DNAH5: variants seen among roughly 807,000 people sequenced by gnomAD.
The protein encoded by DNAH5 is axonemal beta dynein heavy chain 5.
In DNAH5, 372 loss-of-function variants were observed where a neutral mutation model predicts 518.2. That is an observed-to-expected ratio of 0.72 (90% confidence interval 0.66 to 0.78). DNAH5 has a LOEUF of 0.78. Among genes scored for constraint, DNAH5 ranks in the 30% least tolerant of loss-of-function variants. The pLI is 0.00. For missense variants in DNAH5, 5,523 were observed against 5,687.0 expected (o/e 0.97, Z 0.93); for synonymous variants, 2,039 against 2,025.9 (o/e 1.01, Z -0.17).
At chr5:13,959,784 A>AT (rs1781031433) in intron 1 of DNAH5, among the ~76,000 whole-genome samples, 1 of 152,152 alleles carries the variant, frequency 6.6e-6, no homozygotes, top group African/African-American at 2.4e-5. Flanking sequence ...CCTGACCAAC[A>AT]TGGTGAAACC....
intron 65 of DNAH5, among the ~76,000 whole-genome samples, chr5:13,746,871 C>A (rs995426329): frequency 6.6e-6 from 1 of 151,698 alleles, no homozygotes; most frequent in Non-Finnish European, 1.5e-5. Context: ...AAACTATGTA[C>A]TATCCTTGTT....
At position 13,717,330 on chromosome 5, in the gene DNAH5, G is replaced by A. The variant is rs531483632; in HGVS notation, c.12690C>T (p.Asp4230=). 5.0e-5 allele frequency: 80 copies of A among 1,613,794 alleles called. 3 individuals carry two copies. In the South Asian group the frequency reaches 8.5e-4, roughly 17 times the overall value. The change falls in exon 73 of 79, where the codon GAC becomes GAT. Residue 4230 remains aspartate (D), a synonymous_variant. Coordinates refer to ENST00000265104, the MANE Select transcript of DNAH5 (RefSeq NM_001369.3). ...TVQFIQNHLD[D]MDVKKGVSWT... is the part of the protein sequence containing the mutation. ...GCGGCAGTACCTTTTTGACATCCAT[G>A]TCATCCAAGTGGTTTTGGATGAACT...
chr5:13,998,370 G>C (rs399566), intron 1 of DNAH5, among the ~76,000 whole-genome samples: 110,247 of 152,176 alleles, frequency 0.72, 40,298 homozygotes, highest in East Asian at 0.96. Flanking sequence ...AAGGCCCCAC[G>C]TCTTAATACT....
intron 25 of DNAH5, 136 bp downstream of exon 25, chr5:13,867,638 T>C (rs1580668123): frequency 2.5e-6 from 2 of 794,322 alleles, no homozygotes; most frequent in East Asian, 4.9e-5. Flanking sequence ...TTTTCTCTCA[T>C]GAAAATAAAA....
intron 51 of DNAH5, among the ~76,000 whole-genome samples, chr5:13,787,623 C>T (rs1340458206): frequency 1.4e-5 from 2 of 147,470 alleles, no homozygotes; most frequent in East Asian, 4.1e-4. Flanking sequence ...AGCAGTTGTG[C>T]TTTGGTCCTT....
intron 74 of DNAH5, among the ~76,000 whole-genome samples, 169 bp from the exon 75 acceptor site, chr5:13,714,789 T>A (rs1010304250): frequency 6.6e-6 from 1 of 152,156 alleles, no homozygotes; most frequent in Non-Finnish European, 1.5e-5. Flanking sequence ...AAATTTCCTT[T>A]AAAAAAACAA....
intron 1 of DNAH5, among the ~76,000 whole-genome samples, chr5:13,988,621 T>C (rs1440755140): frequency 1.3e-5 from 2 of 152,094 alleles, no homozygotes; most frequent in South Asian, 2.1e-4. Flanking sequence ...TTTCACCATA[T>C]TGGCCAGGCT....
At chr5:13,984,143 A>T (rs1458751224) in intron 1 of DNAH5, among the ~76,000 whole-genome samples, 1 of 152,176 alleles carries the variant, frequency 6.6e-6, no homozygotes, top group Non-Finnish European at 1.5e-5. Context: ...GGAGACATGC[A>T]ATGTTGCCAG....
chr5:13,951,382 A>AAT (rs35530314), intron 1 of DNAH5, among the ~76,000 whole-genome samples: 45,260 of 150,704 alleles, frequency 0.3, 7,468 homozygotes, highest in South Asian at 0.38. Flanking sequence ...AGATTCAGCT[A>AAT]ATTTCTTACT....
intron 12 of DNAH5, among the ~76,000 whole-genome samples, chr5:13,908,745 T>C (rs1347642133): frequency 6.6e-6 from 1 of 152,124 alleles, no homozygotes; most frequent in South Asian, 2.1e-4. Flanking sequence ...GACCTGTTAG[T>C]ACCAGCACGA....
intron 30 of DNAH5, among the ~76,000 whole-genome samples, chr5:13,857,557 C>T (rs959244402): frequency 1.3e-5 from 2 of 152,166 alleles, no homozygotes; most frequent in African/African-American, 4.8e-5. Context: ...ATAGCCAAGA[C>T]AATCCTAAGC....
intron 15 of DNAH5, among the ~76,000 whole-genome samples, chr5:13,896,962 A>T (rs1399012345): frequency 1.9e-5 from 2 of 106,518 alleles, no homozygotes; most frequent in African/African-American, 8.2e-5. Context: ...CTAGAGTACT[A>T]GGTCCAAAGA....
chr5:13,795,509 G>A (rs1757685685), intron 47 of DNAH5, among the ~76,000 whole-genome samples: 1 of 152,194 alleles, frequency 6.6e-6, no homozygotes, highest in Non-Finnish European at 1.5e-5. Context: ...GGAAGAAGCT[G>A]AATCTCTGAA....
intron 1 of DNAH5, among the ~76,000 whole-genome samples, chr5:13,958,407 G>GTGTTT (rs968668913): frequency 6.6e-6 from 1 of 152,032 alleles, no homozygotes; most frequent in African/African-American, 2.4e-5. Context: ...CTGGGTATTT[G>GTGTTT]TGTTTTGTTT....
Position 13,925,547 on chromosome 5 carries a change from G to A in DNAH5, c.278-2107C>T, listed in dbSNP as rs186772881. Among the ~76,000 whole-genome samples the A allele has an allele frequency of 8.4e-3, 1,272 of 152,266 alleles. 13 individuals are homozygous for A. Among genetic ancestry groups the A allele is most frequent in the African/African-American group, 0.029 (1,191 of 41,560 alleles). ...CACAATCATAGCAGAAGGCAAGGAG[G>A]AGCAAGTCACGTCTTACATGAATGG... On this transcript the variant is annotated intron_variant, in intron 3 of 78. Transcript: ENST00000265104.
chr5:13,960,272 C>G (rs1411031334), intron 1 of DNAH5, among the ~76,000 whole-genome samples: 1 of 152,152 alleles, frequency 6.6e-6, no homozygotes, highest in Non-Finnish European at 1.5e-5. Flanking sequence ...TACTGTGTTA[C>G]AGTGAATGTG....
chr5:13,950,784 C>G (rs914541908), intron 1 of DNAH5, among the ~76,000 whole-genome samples: 1 of 152,080 alleles, frequency 6.6e-6, no homozygotes, highest in African/African-American at 2.4e-5. Flanking sequence ...CAGATAGTAT[C>G]GCCTAGCTTG....
intron 61 of DNAH5, among the ~76,000 whole-genome samples, chr5:13,756,035 C>T (rs1299485576): frequency 6.6e-6 from 1 of 152,196 alleles, no homozygotes; most frequent in Non-Finnish European, 1.5e-5. Flanking sequence ...TTACTGGGTT[C>T]CCTGAGTAGT....
chr5:13,726,324 T>G (rs1745729732), intron 70 of DNAH5, among the ~76,000 whole-genome samples: 1 of 152,224 alleles, frequency 6.6e-6, no homozygotes, highest in Non-Finnish European at 1.5e-5. Flanking sequence ...ATATTTGCAT[T>G]TCTTCTAGTG....
Sources: allele counts gnomAD v4.1 joint callset (sites outside exome capture counted in the v4.1 genomes callset), GRCh38; gene constraint gnomAD v4.1.1; transcripts MANE v1.5; gene names NCBI Gene and HGNC (gene_info 2026-07-23, HGNC 2026-07-21).